Variants in EZH2 observed in about 807,000 individuals in gnomAD.
The protein encoded by EZH2 is histone-lysine N-methyltransferase EZH2.
A neutral mutation model predicts 98.4 loss-of-function variants in EZH2; 18 were observed. The ratio of observed to expected loss-of-function variants is 0.18; its 90% CI spans 0.13 to 0.27. The LOEUF (loss-of-function observed/expected upper bound fraction) is 0.27, where lower values mean the gene tolerates loss of function less well. EZH2 is among the 10% of genes least tolerant of loss of function. The pLI is 1.00. For missense variants in EZH2, 470 were observed against 935.1 expected (o/e 0.50, Z 6.49); for synonymous variants, 338 against 312.3 (o/e 1.08, Z -0.87).
intron 3 of EZH2, among the ~76,000 whole-genome samples, chr7:148,834,354 C>CATATATATATATATAT (rs1386326290): frequency 1.2e-4 from 5 of 42,400 alleles, no homozygotes; most frequent in African/African-American, 4.4e-4. Context: ...TATATATATA[C>CATATATATATATATAT]ACACACACAC....
At chr7:148,849,338 C>A (rs186627070) in intron 1 of EZH2, among the ~76,000 whole-genome samples, 1 of 152,240 alleles carries the variant, frequency 6.6e-6, no homozygotes, top group East Asian at 1.9e-4. Context: ...AATCTTAGGT[C>A]TGAGCAAGAG....
intron 15 of EZH2, among the ~76,000 whole-genome samples, chr7:148,812,896 C>G (rs1408900196): frequency 6.6e-6 from 1 of 152,204 alleles, no homozygotes; most frequent in Non-Finnish European, 1.5e-5. Context: ...GCCATAAACA[C>G]AGACTTTGGT....
chr7:148,882,491 C>T (rs1015682175), intron 1 of EZH2, among the ~76,000 whole-genome samples: 1 of 152,122 alleles, frequency 6.6e-6, no homozygotes, highest in African/African-American at 2.4e-5. Flanking sequence ...ACTTTAGAGA[C>T]CATGAATAGA....
intron 1 of EZH2, among the ~76,000 whole-genome samples, chr7:148,860,089 A>G (rs941015251): frequency 5.3e-5 from 8 of 152,340 alleles, no homozygotes; most frequent in Middle Eastern, 6.8e-3. Context: ...TTTTAACAAA[A>G]TCTCATCCTT....
chr7:148,858,098 C>T (rs1585223023), intron 1 of EZH2, among the ~76,000 whole-genome samples: 1 of 151,894 alleles, frequency 6.6e-6, no homozygotes, highest in Non-Finnish European at 1.5e-5. Flanking sequence ...CGAGACCATT[C>T]TTGCTAACAA....
chr7:148,836,708 T>C, intron 3 of EZH2: 1 of 386,012 alleles, frequency 2.6e-6, no homozygotes, highest in South Asian at 2.1e-5. Flanking sequence ...TCATCAATGG[T>C]TTAAAAAAAA....
intron 1 of EZH2, among the ~76,000 whole-genome samples, chr7:148,861,802 T>TAA (rs1302895472): frequency 0.016 from 1,089 of 69,234 alleles, 12 homozygotes; most frequent in Middle Eastern, 0.056. Flanking sequence ...CTTCTTTTAT[T>TAA]TAAAAAAAAA....
chr7:148,865,306 T>C (rs1274714733), intron 1 of EZH2, among the ~76,000 whole-genome samples: 1 of 152,182 alleles, frequency 6.6e-6, no homozygotes, highest in Non-Finnish European at 1.5e-5. Flanking sequence ...TTTTAAATCT[T>C]ATACCACGCA....
chr7:148,835,301 T>A (rs1419421698), intron 3 of EZH2, among the ~76,000 whole-genome samples: 1 of 151,772 alleles, frequency 6.6e-6, no homozygotes, highest in Non-Finnish European at 1.5e-5. Flanking sequence ...CACGTGCCTG[T>A]AGTCCCAGCT....
intron 1 of EZH2, among the ~76,000 whole-genome samples, chr7:148,868,830 C>G (rs533209144): frequency 9.9e-5 from 15 of 151,930 alleles, no homozygotes; most frequent in African/African-American, 3.1e-4. Context: ...ACTAAGGCAC[C>G]CAATAAGAAA....
intron 1 of EZH2, 198 bp downstream of exon 1, chr7:148,883,966 C>G (rs1347721053): frequency 6.6e-6 from 1 of 152,110 alleles, no homozygotes; most frequent in Non-Finnish European, 1.5e-5. Context: ...GCCCGAAGCT[C>G]ACAGCTCCTT....
chr7:148,847,649 T>C (rs1814508073), intron 1 of EZH2, among the ~76,000 whole-genome samples: 1 of 151,988 alleles, frequency 6.6e-6, no homozygotes, highest in African/African-American at 2.4e-5. Flanking sequence ...GAAGAAAATA[T>C]AAAGACAGAT....
At chr7:148,815,364 G>A (rs766898284) in intron 13 of EZH2, 142 bp downstream of exon 13, 24 of 856,646 alleles carry the variant, frequency 2.8e-5, no homozygotes, top group African/African-American at 1.7e-4. Flanking sequence ...ATCAGTAGAC[G>A]TCCTCCATTC....
At chr7:148,869,889 T>C (rs1390283134) in intron 1 of EZH2, among the ~76,000 whole-genome samples, 1 of 149,380 alleles carries the variant, frequency 6.7e-6, no homozygotes. Context: ...TACCACTCTT[T>C]GTACAACATC....
intron 1 of EZH2, among the ~76,000 whole-genome samples, chr7:148,877,870 C>G (rs370384034): frequency 6.6e-6 from 1 of 152,146 alleles, no homozygotes; most frequent in South Asian, 2.1e-4. Flanking sequence ...TTTAATCACC[C>G]AGAAAGCCAG....
chr7:148,828,702 C>A, intron 6 of EZH2, 38 bp downstream of exon 6: 1 of 1,587,858 alleles, frequency 6.3e-7, no homozygotes, highest in Non-Finnish European at 8.5e-7. Flanking sequence ...TGAAAGAAAG[C>A]TGTAATGGCT....
chr7:148,836,879 G>A (rs1217095920), intron 3 of EZH2: 5 of 511,244 alleles, frequency 9.8e-6, no homozygotes, highest in South Asian at 4.6e-5. Flanking sequence ...GCTGGAGAGG[G>A]AAGTCAAGCC....
At chr7:148,873,026 G>T (rs1416510317) in intron 1 of EZH2, among the ~76,000 whole-genome samples, 3 of 151,992 alleles carry the variant, frequency 2.0e-5, no homozygotes, top group Non-Finnish European at 4.4e-5. Flanking sequence ...AATAAAAAAT[G>T]TAAAAAATTA....
chr7:148,827,581 C>T (rs193102071), intron 6 of EZH2, among the ~76,000 whole-genome samples: 3 of 152,304 alleles, frequency 2.0e-5, no homozygotes, highest in Admixed American at 6.5e-5. Context: ...GTTTACTCAT[C>T]TGTAAAATGA....
Sources: gnomAD v4.1 joint callset for allele counts (sites outside exome capture counted in the v4.1 genomes callset) on GRCh38, gnomAD v4.1.1 for gene constraint, MANE v1.5 for transcripts, NCBI Gene and HGNC (gene_info 2026-07-23, HGNC 2026-07-21) for gene names.